Variants in ZFPM2 observed in about 807,000 individuals in gnomAD.
The protein encoded by ZFPM2 is zinc finger protein ZFPM2.
Under a neutral mutation model 98.6 loss-of-function variants are expected in ZFPM2, and 20 were observed. The observed-to-expected ratio is 0.20, with a 90% CI of 0.14 to 0.29. ZFPM2 has a LOEUF of 0.29. Ranked by LOEUF, ZFPM2 falls within the 10% of genes least tolerant of loss-of-function variation. The probability of loss-of-function intolerance (pLI) is 1.00; values close to 1 mark genes in which losing one functional copy is unlikely to be tolerated. For missense variants in ZFPM2, 1,310 were observed against 1,388.6 expected, an observed-to-expected ratio of 0.94 and a Z score of 0.90; for synonymous variants, 518 against 502.7, an observed-to-expected ratio of 1.03 and a Z score of -0.41.
intron 5 of ZFPM2, among the ~76,000 whole-genome samples, chr8:105,760,187 G>C (rs770549979): frequency 6.6e-6 from 1 of 151,806 alleles, no homozygotes; most frequent in Non-Finnish European, 1.5e-5. Context: ...TAAGGCCCTG[G>C]ACCAAAAAGA....
At chr8:105,374,277 A>G (rs1163412952) in intron 1 of ZFPM2, among the ~76,000 whole-genome samples, 1 of 152,194 alleles carries the variant, frequency 6.6e-6, no homozygotes, top group African/African-American at 2.4e-5. Flanking sequence ...TGATCTAGAT[A>G]TGTAATTATT....
intron 3 of ZFPM2, among the ~76,000 whole-genome samples, chr8:105,544,406 A>G (rs1349319): frequency 0.7 from 105,837 of 152,024 alleles, 38,310 homozygotes; most frequent in African/African-American, 0.92. Context: ...GTAATTGATT[A>G]TGTGTTTGTA....
chr8:105,800,984 T>G, intron 7 of ZFPM2, 63 bp from the exon 8 acceptor site: 3 of 1,459,708 alleles, frequency 2.1e-6, no homozygotes, highest in Non-Finnish European at 2.8e-6. Context: ...TTAGAAAAGG[T>G]CCCTGTCATT....
chr8:105,544,184 G>A (rs1814640689), intron 3 of ZFPM2, among the ~76,000 whole-genome samples: 1 of 152,120 alleles, frequency 6.6e-6, no homozygotes, highest in Non-Finnish European at 1.5e-5. Flanking sequence ...GATCACAAAA[G>A]CCTTAGTAGA....
At chr8:105,593,950 C>A (rs962515639) in intron 4 of ZFPM2, among the ~76,000 whole-genome samples, 1 of 152,076 alleles carries the variant, frequency 6.6e-6, no homozygotes, top group African/African-American at 2.4e-5. Flanking sequence ...GTCATTATGG[C>A]CTGGAGTCTT....
chr8:105,788,299 C>T (rs1357273370), intron 5 of ZFPM2, among the ~76,000 whole-genome samples: 1 of 152,082 alleles, frequency 6.6e-6, no homozygotes, highest in Non-Finnish European at 1.5e-5. Context: ...AGATAAATAA[C>T]TTTTTACTTT....
At chr8:105,436,115 G>A (rs143481158) in intron 2 of ZFPM2, among the ~76,000 whole-genome samples, 1 of 152,296 alleles carries the variant, frequency 6.6e-6, no homozygotes, top group East Asian at 1.9e-4. Flanking sequence ...GTAAGCAATG[G>A]TAATTGATTA....
At chr8:105,492,165 G>A (rs1322810267) in intron 3 of ZFPM2, among the ~76,000 whole-genome samples, 1 of 152,066 alleles carries the variant, frequency 6.6e-6, no homozygotes, top group Non-Finnish European at 1.5e-5. Context: ...ATATGTTTCT[G>A]TTTTACTGTG....
chr8:105,774,995 C>T (rs1485504537), intron 5 of ZFPM2, among the ~76,000 whole-genome samples: 1 of 151,368 alleles, frequency 6.6e-6, no homozygotes, highest in African/African-American at 2.4e-5. Flanking sequence ...CCCTTGGATC[C>T]ACCCAGCCCT....
chr8:105,525,352 G>A (rs534752011), intron 3 of ZFPM2, among the ~76,000 whole-genome samples: 52 of 152,222 alleles, frequency 3.4e-4, no homozygotes, highest in Non-Finnish European at 4.1e-4. Flanking sequence ...AAGTTTCTTC[G>A]AAAACAAATG....
At chr8:105,453,626 T>TTTTTGTTTTG (rs1276906983) in intron 3 of ZFPM2, among the ~76,000 whole-genome samples, 4 of 151,940 alleles carry the variant, frequency 2.6e-5, no homozygotes, top group African/African-American at 4.8e-5. Context: ...TCTGGAGTTT[T>TTTTTGTTTTG]TTTTGTTTTG....
chr8:105,772,368 C>G (rs555187958), intron 5 of ZFPM2, among the ~76,000 whole-genome samples: 1 of 152,226 alleles, frequency 6.6e-6, no homozygotes, highest in Non-Finnish European at 1.5e-5. Flanking sequence ...TTCTTACACT[C>G]TTTGTCATTA....
At chr8:105,535,288 G>T (rs4734874) in intron 3 of ZFPM2, among the ~76,000 whole-genome samples, 103,396 of 152,014 alleles carry the variant, frequency 0.68, 36,779 homozygotes, top group African/African-American at 0.92. Flanking sequence ...GGTTTTTATT[G>T]TTATTAAAGC....
chr8:105,352,160 C>T (rs1360955236), intron 1 of ZFPM2, among the ~76,000 whole-genome samples: 5 of 152,190 alleles, frequency 3.3e-5, no homozygotes, highest in Admixed American at 2.0e-4. Flanking sequence ...ACGTTTGGAA[C>T]TAAGCCTTGG....
intron 3 of ZFPM2, 75 bp from the exon 4 acceptor site, chr8:105,561,288 C>G: frequency 1.8e-6 from 2 of 1,117,552 alleles, no homozygotes; most frequent in African/African-American, 3.3e-5. Context: ...GTGTGTAAAG[C>G]AAACACACAA....
chr8:105,662,751 T>C (rs1296692762), intron 5 of ZFPM2: 1 of 151,780 alleles, frequency 6.6e-6, no homozygotes, highest in Non-Finnish European at 1.5e-5. Flanking sequence ...AATATACTAA[T>C]ATATTTAAAG....
chr8:105,621,141 A>G (rs1816533944), intron 4 of ZFPM2, among the ~76,000 whole-genome samples: 1 of 152,124 alleles, frequency 6.6e-6, no homozygotes, highest in Non-Finnish European at 1.5e-5. Flanking sequence ...TTTTCACCAT[A>G]TTGATTCTTC....
intron 3 of ZFPM2, among the ~76,000 whole-genome samples, chr8:105,456,380 C>G (rs762103422): frequency 3.3e-5 from 5 of 151,366 alleles, no homozygotes; most frequent in Non-Finnish European, 5.9e-5. Flanking sequence ...TAGTAAACAA[C>G]CATTGTTGAT....
chr8:105,466,303 G>A (rs1442946678), intron 3 of ZFPM2, among the ~76,000 whole-genome samples: 3 of 151,918 alleles, frequency 2.0e-5, no homozygotes, highest in African/African-American at 7.2e-5. Context: ...TGGAAAAAAT[G>A]CTAAGAAATT....
Sources: gnomAD v4.1 joint callset for allele counts (sites outside exome capture counted in the v4.1 genomes callset) on GRCh38, gnomAD v4.1.1 for gene constraint, MANE v1.5 for transcripts, NCBI Gene and HGNC (gene_info 2026-07-23, HGNC 2026-07-21) for gene names.